Variants in MGAT4C observed in about 807,000 individuals in gnomAD.
MGAT4C encodes MGAT4 family member C.
Under a neutral mutation model 40.1 loss-of-function variants are expected in MGAT4C, and 19 were observed. The ratio of observed to expected loss-of-function variants is 0.47; its 90% CI spans 0.33 to 0.70. The LOEUF (loss-of-function observed/expected upper bound fraction) is 0.70. Ranked by LOEUF, MGAT4C falls within the 30% of genes least tolerant of loss-of-function variation. The pLI, the probability that MGAT4C is intolerant of heterozygous loss-of-function variation, is 0.02. For missense variants in MGAT4C, 491 were observed against 563.2 expected (o/e 0.87, Z 1.30); for synonymous variants, 181 against 187.1 (o/e 0.97, Z 0.27).
intron 2 of MGAT4C, among the ~76,000 whole-genome samples, chr12:86,637,505 G>C (rs183278575): frequency 1.3e-3 from 193 of 151,920 alleles, no homozygotes; most frequent in African/African-American, 4.5e-3. Flanking sequence ...GATTTATAAA[G>C]CTTCTCCTCC....
intron 1 of MGAT4C, among the ~76,000 whole-genome samples, chr12:86,060,607 A>C (rs968247229): frequency 6.6e-6 from 1 of 152,188 alleles, no homozygotes; most frequent in East Asian, 1.9e-4. Context: ...CATTGAGCAA[A>C]TGTGTATAAT....
rs77827874 is a variant in MGAT4C at position 86,507,304 on chromosome 12, G to A, written c.-228-72039C>T. Among the ~76,000 whole-genome samples, 509 of 152,160 alleles carry A rather than the reference G, an allele frequency of 3.3e-3. 1 individual carries two copies. The highest frequency in any genetic ancestry group is 0.012 in the African/African-American group (492 of 41,516). On this transcript the variant is annotated intron_variant, in intron 2 of 7. Transcript: ENST00000548651. ...TCTTAGCCTCATAATACACAGATAC[G>A]TGCACCTGCATGGGAAGAGTATGTT...
chr12:86,280,890 G>A (rs911442256), intron 4 of MGAT4C, among the ~76,000 whole-genome samples: 18 of 151,952 alleles, frequency 1.2e-4, no homozygotes, highest in African/African-American at 3.9e-4. Context: ...TGTTTAGTAT[G>A]TGCTCTTGTA....
Position 86,311,822 on chromosome 12 carries a change from G to T in MGAT4C, c.-57+22243C>A, listed in dbSNP as rs530373800. Among the ~76,000 whole-genome samples the T allele has an allele frequency of 2.0e-5, 3 of 152,112 alleles. No homozygotes were observed. In the South Asian group the frequency reaches 6.2e-4, roughly 32 times the overall value. ...ACCATCTCCCCACTTCCCCATCTTG[G>T]GTTCTTGGTTGGCAATGCCCCACTC... On this transcript the variant is annotated intron_variant, in intron 4 of 7. Coordinates refer to the MGAT4C transcript ENST00000548651.
intron 1 of MGAT4C, among the ~76,000 whole-genome samples, chr12:86,130,762 T>A (rs1485989604): frequency 3.3e-5 from 5 of 152,078 alleles, no homozygotes; most frequent in Non-Finnish European, 7.4e-5. Flanking sequence ...ATTTTAAATT[T>A]ATAAATTTTC....
intron 1 of MGAT4C, among the ~76,000 whole-genome samples, chr12:86,111,231 C>T (rs1448654735): frequency 6.6e-6 from 1 of 151,538 alleles, no homozygotes; most frequent in African/African-American, 2.4e-5. Flanking sequence ...GTAAACTAAC[C>T]TAAAAGTTAA....
At chr12:86,123,477 CT>C (rs1879772333) in intron 1 of MGAT4C, among the ~76,000 whole-genome samples, 1 of 152,006 alleles carries the variant, frequency 6.6e-6, no homozygotes, top group Non-Finnish European at 1.5e-5. Flanking sequence ...TGACTTCAGC[CT>C]TTTTTATCTT....
rs11103920 is a variant in MGAT4C at position 86,306,908 on chromosome 12, G to A, written c.-57+27157C>T. 8.5e-3 allele frequency among the ~76,000 whole-genome samples: 1,279 copies of A among 150,530 alleles called. 130 individuals carry two copies. The highest frequency in any genetic ancestry group is 0.031 in the African/African-American group (1,227 of 40,064). On this transcript the variant is annotated intron_variant, in intron 4 of 7. Transcript: ENST00000548651. Reference sequence around the variant, plus strand: ...AAATTAGGTACATTGTAATATTAGTGAGTATAAGGGTATTATGAAATTCTA... The same window carrying A: ...AAATTAGGTACATTGTAATATTAGTAAGTATAAGGGTATTATGAAATTCTA...
intron 2 of MGAT4C, among the ~76,000 whole-genome samples, chr12:86,461,429 T>C (rs1262838677): frequency 6.6e-6 from 1 of 152,032 alleles, no homozygotes; most frequent in African/African-American, 2.4e-5. Flanking sequence ...GTATTTTTAG[T>C]AGAGACGGGG....
intron 1 of MGAT4C, among the ~76,000 whole-genome samples, chr12:86,105,981 T>C (rs533626044): frequency 1.3e-5 from 2 of 152,310 alleles, no homozygotes; most frequent in Middle Eastern, 6.8e-3. Flanking sequence ...TGAACCTAAA[T>C]GGTAAATTAT....
intron 3 of MGAT4C, among the ~76,000 whole-genome samples, chr12:86,340,853 C>T (rs557812038): frequency 6.6e-6 from 1 of 152,238 alleles, no homozygotes; most frequent in South Asian, 2.1e-4. Context: ...GAAGTCTTCA[C>T]AAGTAAACTT....
chr12:86,003,601 C>G (rs1887568695), intron 2 of MGAT4C, among the ~76,000 whole-genome samples: 1 of 152,110 alleles, frequency 6.6e-6, no homozygotes, highest in Non-Finnish European at 1.5e-5. Flanking sequence ...CTAGCTTTGC[C>G]TGGTGTTGCA....
At chr12:86,359,030 C>G (rs1264079896) in intron 3 of MGAT4C, among the ~76,000 whole-genome samples, 3 of 152,158 alleles carry the variant, frequency 2.0e-5, no homozygotes, top group Non-Finnish European at 2.9e-5. Context: ...ATACATTCTT[C>G]TCAGCAGCAC....
At chr12:86,054,949 C>A (rs973545871) in intron 1 of MGAT4C, among the ~76,000 whole-genome samples, 12 of 152,050 alleles carry the variant, frequency 7.9e-5, no homozygotes, top group African/African-American at 2.9e-4. Context: ...GAAACGGTTT[C>A]CCTTTTCTTC....
intron 2 of MGAT4C, among the ~76,000 whole-genome samples, chr12:86,473,104 C>A (rs774859891): frequency 6.6e-6 from 1 of 152,028 alleles, no homozygotes; most frequent in Non-Finnish European, 1.5e-5. Flanking sequence ...TACAAGCATA[C>A]GCCTCCACGT....
At chr12:86,521,515 A>G (rs1369883080) in intron 2 of MGAT4C, among the ~76,000 whole-genome samples, 1 of 151,860 alleles carries the variant, frequency 6.6e-6, no homozygotes, top group Admixed American at 6.6e-5. Flanking sequence ...ATTTCTCCAC[A>G]CTTGTTCTTT....
chr12:86,593,887 T>A (rs944224559), intron 2 of MGAT4C, among the ~76,000 whole-genome samples: 3 of 152,106 alleles, frequency 2.0e-5, no homozygotes, highest in Non-Finnish European at 4.4e-5. Flanking sequence ...CTCTGAACCA[T>A]ACCTCTGGTG....
intron 2 of MGAT4C, among the ~76,000 whole-genome samples, chr12:86,463,909 C>G (rs1296529616): frequency 1.3e-5 from 2 of 152,060 alleles, no homozygotes; most frequent in Non-Finnish European, 2.9e-5. Context: ...ACTAAAAATT[C>G]TTTATTTAAA....
In MGAT4C at chr12:85,979,712, A is replaced by T; in HGVS notation, c.1014T>A (p.Pro338=). ...DDFEEESFDI[P]DNPPASLYTN... ...TGTACAGACTTGCAGGGGGGTTATCAGGAATGTCAAATGACTCCTCTTCAA... is the reference window on the plus strand; with the variant it reads ...TGTACAGACTTGCAGGGGGGTTATCTGGAATGTCAAATGACTCCTCTTCAA... The change falls in exon 5 of 5, where the codon CCT becomes CCA. Residue 338 remains proline (P), a synonymous_variant. Transcript: ENST00000611864. The T allele has an allele frequency of 1.2e-6, 2 of 1,613,534 alleles. No individual in the cohort carries two copies. Among genetic ancestry groups the T allele is most frequent in the Middle Eastern group, 3.3e-4 (2 of 6,062 alleles).
Sources: allele counts gnomAD v4.1 joint callset (sites outside exome capture counted in the v4.1 genomes callset), GRCh38; gene constraint gnomAD v4.1.1; transcripts MANE v1.5; gene names NCBI Gene and HGNC (gene_info 2026-07-23, HGNC 2026-07-21).